Variants in SFSWAP observed in about 807,000 individuals in gnomAD.
SFSWAP encodes splicing factor, suppressor of white-apricot homolog.
SFSWAP carries 17 observed loss-of-function variants against 100.7 expected under a neutral mutation model. The observed-to-expected ratio is 0.17, with a 90% CI of 0.12 to 0.25. SFSWAP has a LOEUF of 0.25. SFSWAP is among the 10% of genes least tolerant of loss of function. The pLI is 1.00. For synonymous variants in SFSWAP, 504 were observed against 510.1 expected (o/e 0.99, Z 0.16); for missense variants, 1,005 against 1,262.6 (o/e 0.80, Z 3.09).
intron 10 of SFSWAP, among the ~76,000 whole-genome samples, chr12:131,756,216 T>C (rs1231776452): frequency 6.6e-6 from 1 of 151,968 alleles, no homozygotes; most frequent in Non-Finnish European, 1.5e-5. Context: ...ATACTGAAAA[T>C]TGGTTCCCAA....
chr12:131,731,314 G>A (rs1029777646), intron 7 of SFSWAP, among the ~76,000 whole-genome samples: 8 of 152,058 alleles, frequency 5.3e-5, no homozygotes, highest in East Asian at 1.9e-4. Context: ...TGACTCACAC[G>A]CACCTCCCTG....
At position 131,711,721 on chromosome 12, in the gene SFSWAP, C is replaced by T. The variant is rs909320645; in HGVS notation, c.218+274C>T. 1.1e-5 allele frequency: 5 copies of T among 436,006 alleles called. No homozygotes were observed. Among genetic ancestry groups the T allele is most frequent in the African/African-American group, 4.0e-5 (2 of 49,972 alleles). The allele number at this position is 436,006 out of a possible 1,614,324, so 27.0% of individuals were successfully genotyped here. The stretch of plus-strand genomic sequence containing the variant: ...CCCCTCTCGACCCCTCACCCTGTCG[C>T]TGGGCTGCAGTTGGCGATTCCGCGC... On this transcript the variant is annotated intron_variant, in intron 1 of 17. Coordinates refer to ENST00000261674, the MANE Select transcript of SFSWAP (RefSeq NM_004592.4). This position sits in a 1 kb window ranked among gnomAD's most constrained non-coding sequence, Gnocchi z 4.9.
At chr12:131,736,917 G>A (rs150610905) in intron 7 of SFSWAP, among the ~76,000 whole-genome samples, 160 of 152,152 alleles carry the variant, frequency 1.1e-3, no homozygotes, top group African/African-American at 3.5e-3. Flanking sequence ...TTGTGCCAGC[G>A]ATGTGGTACT....
At chr12:131,798,126 A>C (rs1399643087) in intron 16 of SFSWAP, among the ~76,000 whole-genome samples, 1 of 152,184 alleles carries the variant, frequency 6.6e-6, no homozygotes, top group Non-Finnish European at 1.5e-5. Flanking sequence ...ATTTGAGACC[A>C]GTCTGGACAA....
chr12:131,799,346 C>A, intron 17 of SFSWAP, 77 bp from the exon 18 acceptor site: 1 of 1,458,362 alleles, frequency 6.9e-7, no homozygotes, highest in African/African-American at 1.4e-5. Context: ...ACCACCAACT[C>A]GTTGATGAAT....
intron 15 of SFSWAP, among the ~76,000 whole-genome samples, chr12:131,787,832 G>T (rs1885001533): frequency 6.6e-6 from 1 of 152,198 alleles, no homozygotes; most frequent in Admixed American, 6.5e-5. Flanking sequence ...GGTTGGCCTA[G>T]TACCACGGTT....
chr12:131,738,442 C>T (rs974805636), intron 7 of SFSWAP, among the ~76,000 whole-genome samples: 2 of 152,078 alleles, frequency 1.3e-5, no homozygotes, highest in Middle Eastern at 3.2e-3. Context: ...TCTTTATGCA[C>T]GAATATCAAT....
At chr12:131,727,716 C>G (rs542486016) in intron 6 of SFSWAP, among the ~76,000 whole-genome samples, 1 of 152,148 alleles carries the variant, frequency 6.6e-6, no homozygotes, top group Non-Finnish European at 1.5e-5. Flanking sequence ...TATGCATCTT[C>G]GAGTCCTATG....
chr12:131,759,662 G>A (rs550215108), intron 11 of SFSWAP, among the ~76,000 whole-genome samples: 4 of 152,042 alleles, frequency 2.6e-5, no homozygotes, highest in East Asian at 1.9e-4. Flanking sequence ...TTAGCCGGGC[G>A]TGGTGGCGGG....
Position 131,753,377 on chromosome 12 carries a change from C to T in SFSWAP, c.1322+14C>T. 1.2e-6 allele frequency: 2 copies of T among 1,604,670 alleles called. No individual in the cohort carries two copies. Among genetic ancestry groups the T allele is most frequent in the East Asian group, 2.2e-5 (1 of 44,662 alleles). ...CACCACCACAAGGTAGGTGCAGCGT[C>T]CACCGCTGCCTGCTGTGTGAGTCAC... is the stretch of plus-strand genomic sequence containing the variant. On this transcript the variant is annotated intron_variant, in intron 8 of 17. Coordinates refer to ENST00000261674, the MANE Select transcript of SFSWAP (RefSeq NM_004592.4).
Position 131,711,126 on chromosome 12 carries a change from G to T in SFSWAP, c.-104G>T, listed in dbSNP as rs1272756802. ...CGCTATGGCGGCGGTGTTGAGGTTG[G>T]GTACGGGATGCGGGGTCTTTGACTG... On this transcript the variant is annotated 5_prime_UTR_variant, in exon 1 of 18. Transcript: ENST00000261674. This position sits in a 1 kb window ranked among gnomAD's most constrained non-coding sequence, Gnocchi z 4.9. 5.5e-6 allele frequency: 5 copies of T among 915,494 alleles called. No homozygotes were observed. The highest frequency in any genetic ancestry group is 6.4e-6 in the Non-Finnish European group (4 of 623,680). 56.7% of individuals were successfully genotyped at this position (915,494 alleles called of 1,614,324 possible).
At chr12:131,712,063 G>C (rs1944174419) in intron 1 of SFSWAP, 1 of 152,592 alleles carries the variant, frequency 6.6e-6, no homozygotes, top group African/African-American at 2.4e-5. Flanking sequence ...TTGAGGTAGT[G>C]AGCAAAGTTG....
In SFSWAP at chr12:131,778,406, G is replaced by A; in HGVS notation, c.2408+76G>A. 6.5e-7 allele frequency: 1 copy of A among 1,546,364 alleles called. No homozygotes were observed. Among genetic ancestry groups the A allele is most frequent in the Non-Finnish European group, 8.7e-7 (1 of 1,150,194 alleles). On this transcript the variant is annotated intron_variant, in intron 14 of 17. Coordinates refer to ENST00000261674, the MANE Select transcript of SFSWAP (RefSeq NM_004592.4). This position sits in a 1 kb window ranked among gnomAD's most constrained non-coding sequence, Gnocchi z 4.2. Reference sequence around the variant, plus strand: ...TTCACAGGACACCCAGTAGAGCTAGGTAGAACGTTTAAAATCAGTGCCGCT... The same window carrying A: ...TTCACAGGACACCCAGTAGAGCTAGATAGAACGTTTAAAATCAGTGCCGCT...
Position 131,799,122 on chromosome 12 carries a change from G to GC in SFSWAP, c.2790+19dup, listed in dbSNP as rs1326283581. On this transcript the variant is annotated intron_variant, in intron 17 of 17. Transcript: ENST00000261674. The stretch of plus-strand genomic sequence containing the variant: ...CAAAATCACTCAGGTCAGTGGGCAC[G>GC]CCCCCCTCCCGCTCCCAGCCTTTCA... The GC allele has an allele frequency of 6.2e-7, 1 of 1,605,074 alleles. No individual in the cohort carries two copies. The highest frequency in any genetic ancestry group is 1.3e-5 in the African/African-American group (1 of 74,824).
At position 131,756,617 on chromosome 12, in the gene SFSWAP, A is replaced by G. The variant is rs145713017; in HGVS notation, c.1693A>G (p.Thr565Ala). 6.5e-3 allele frequency: 10,446 copies of G among 1,602,016 alleles called. 86 individuals are homozygous for G. Among genetic ancestry groups the G allele is most frequent in the South Asian group, 0.026 (2,376 of 89,740 alleles). Residue 565 changes from threonine (T) to alanine (A), a missense_variant, in exon 11 of 18, where the codon ACC becomes GCC. Thr to Ala is a moderately conservative substitution (Grantham distance 58). Around this residue, in one of 7 missense-constraint regions of SFSWAP, gnomAD observed 82 missense variants for 131.0 expected, o/e 0.63. Transcript: ENST00000261674. ...GAAGAAGGAGGCATCGTCCAGTAAGACCGTCCCGGACGGGAAGCTGGTGAA... is the reference window on the plus strand; with the variant it reads ...GAAGAAGGAGGCATCGTCCAGTAAGGCCGTCCCGGACGGGAAGCTGGTGAA... Reference protein sequence around the residue: ...GGKKEASSSKTVPDGKLVKAS... With the variant: ...GGKKEASSSKAVPDGKLVKAS...
In SFSWAP at chr12:131,719,498, G is replaced by T; in HGVS notation, c.565G>T (p.Val189Phe). ...TTTAGAGGAAAATGAAGAGCCCTTCGTTGCCCCCTTAGGATTGAGCGTCCC... is the reference window on the plus strand; with the variant it reads ...TTTAGAGGAAAATGAAGAGCCCTTCTTTGCCCCCTTAGGATTGAGCGTCCC... Reference protein sequence around the residue: ...ENLEENEEPFVAPLGLSVPSD... With the variant: ...ENLEENEEPFFAPLGLSVPSD... Residue 189 changes from valine (V) to phenylalanine (F), a missense_variant, in exon 4 of 18, where the codon GTT (valine) becomes TTT (phenylalanine). Physicochemically the swap from Val to Phe is conservative, Grantham distance 50. Coordinates refer to ENST00000261674, the MANE Select transcript of SFSWAP (RefSeq NM_004592.4). The T allele has an allele frequency of 6.2e-7, 1 of 1,614,070 alleles. No individual in the cohort carries two copies.
At position 131,747,062 on chromosome 12, in the gene SFSWAP, C is replaced by T. The variant is rs561201699; in HGVS notation, c.1082-6061C>T. ...GAGCTTGCAGTGAGCCGAGATCGCACCACTGCACTCCAGCCTGGGCAACAG... is the reference window on the plus strand; with the variant it reads ...GAGCTTGCAGTGAGCCGAGATCGCATCACTGCACTCCAGCCTGGGCAACAG... On this transcript the variant is annotated intron_variant, in intron 7 of 17. Coordinates refer to ENST00000261674, the MANE Select transcript of SFSWAP (RefSeq NM_004592.4). Among the ~76,000 whole-genome samples the T allele has an allele frequency of 4.7e-5, 7 of 149,352 alleles. 1 individual carries two copies. In the Middle Eastern group the frequency reaches 0.018, roughly 376 times the overall value.
chr12:131,714,439 C>A lies in SFSWAP; in HGVS notation c.388+199C>A. On this transcript the variant is annotated intron_variant, in intron 2 of 17. Transcript: ENST00000261674. This position sits in a 1 kb window ranked among gnomAD's most constrained non-coding sequence, Gnocchi z 6.0. The stretch of plus-strand genomic sequence containing the variant: ...ATATATAGAGCCACAAAGAATTTTC[C>A]CAGCTTTTGAGGGCAGACTGGGATT... The A allele has an allele frequency of 1.9e-6, 1 of 533,206 alleles. No homozygotes were observed. Among genetic ancestry groups the A allele is most frequent in the South Asian group, 3.0e-5 (1 of 32,830 alleles). 33.0% of individuals were successfully genotyped at this position (533,206 alleles called of 1,614,324 possible).
chr12:131,763,355 G>A (rs1393885552), intron 11 of SFSWAP, among the ~76,000 whole-genome samples: 3 of 152,134 alleles, frequency 2.0e-5, no homozygotes, highest in Non-Finnish European at 4.4e-5. Flanking sequence ...TTCATTGTGG[G>A]TGCCTTGAAT....
Sources: allele counts gnomAD v4.1 joint callset (sites outside exome capture counted in the v4.1 genomes callset), GRCh38; gene constraint gnomAD v4.1.1; regional missense constraint gnomAD v4.1.1; non-coding constraint Gnocchi (gnomAD v3.1); transcripts MANE v1.5; gene names NCBI Gene and HGNC (gene_info 2026-07-23, HGNC 2026-07-21).